Variants in SYNPR observed in about 807,000 individuals in gnomAD.
SYNPR encodes synaptoporin.
In SYNPR, 23 loss-of-function variants were observed where a neutral mutation model predicts 32.9. The observed-to-expected ratio is 0.70, with a 90% CI of 0.50 to 0.99. The LOEUF is 0.99. Ranked by LOEUF, SYNPR falls within the 50% of genes least tolerant of loss-of-function variation. The pLI, the probability that SYNPR is intolerant of heterozygous loss-of-function variation, is 0.00. For synonymous variants in SYNPR, 146 were observed against 135.9 expected (o/e 1.07, Z -0.52); for missense variants, 318 against 349.3 (o/e 0.91, Z 0.71).
intron 2 of SYNPR, among the ~76,000 whole-genome samples, chr3:63,396,762 G>C (rs568459978): frequency 6.6e-6 from 1 of 152,030 alleles, no homozygotes; most frequent in African/African-American, 2.4e-5. Flanking sequence ...ATAACTTCAG[G>C]CTTCTTGAGT....
the SYNPR span, among the ~76,000 whole-genome samples, chr3:63,218,621 A>G: frequency 6.6e-6 from 1 of 152,204 alleles, no homozygotes; most frequent in African/African-American, 2.4e-5. Flanking sequence ...GCCTCTTAAG[A>G]AAGTAAAGCT....
At chr3:63,383,177 A>G (rs2087994405) in intron 2 of SYNPR, among the ~76,000 whole-genome samples, 1 of 152,126 alleles carries the variant, frequency 6.6e-6, no homozygotes, top group Non-Finnish European at 1.5e-5. Context: ...TGGTTTTTGT[A>G]TTCAGTTTTA....
chr3:63,388,379 CTTTTTTTTTTT>C (rs144044254), intron 2 of SYNPR, among the ~76,000 whole-genome samples: 1 of 83,596 alleles, frequency 1.2e-5, no homozygotes, highest in Non-Finnish European at 2.2e-5. Flanking sequence ...GTTTGGAGCT[CTTTTTTTTTTT>C]TTTTTTTTTT....
chr3:63,206,427 A>G, the SYNPR span, among the ~76,000 whole-genome samples: 1 of 152,144 alleles, frequency 6.6e-6, no homozygotes, highest in East Asian at 1.9e-4. Flanking sequence ...AGCCTGTCCA[A>G]CATGGTGCCT....
chr3:63,563,165 C>A (rs1210944475), intron 4 of SYNPR, among the ~76,000 whole-genome samples: 1 of 152,160 alleles, frequency 6.6e-6, no homozygotes, highest in Non-Finnish European at 1.5e-5. Context: ...CTATCCCATG[C>A]ACCTTCTTAT....
chr3:63,438,437 A>C (rs1401837053), intron 2 of SYNPR, among the ~76,000 whole-genome samples: 2 of 152,136 alleles, frequency 1.3e-5, no homozygotes, highest in Non-Finnish European at 2.9e-5. Context: ...TGCCTACCTT[A>C]TGCTCCAGTA....
chr3:63,601,380 A>G (rs997829755), intron 4 of SYNPR, among the ~76,000 whole-genome samples: 4 of 152,218 alleles, frequency 2.6e-5, no homozygotes, highest in Middle Eastern at 3.2e-3. Context: ...GTTCAGAGGT[A>G]CATGTGCAGA....
At chr3:63,311,132 A>G (rs1575594066) in intron 2 of SYNPR, among the ~76,000 whole-genome samples, 2 of 151,730 alleles carry the variant, frequency 1.3e-5, no homozygotes, top group South Asian at 4.2e-4. Flanking sequence ...TTAATAATCT[A>G]TTTGCTTTCT....
chr3:63,334,769 T>C (rs1250302928), intron 2 of SYNPR, among the ~76,000 whole-genome samples: 1 of 152,218 alleles, frequency 6.6e-6, no homozygotes, highest in Admixed American at 6.5e-5. Context: ...TTCTTTGATT[T>C]TTTTGTAGCT....
At chr3:63,345,960 A>C (rs1216070333) in intron 2 of SYNPR, among the ~76,000 whole-genome samples, 8 of 151,968 alleles carry the variant, frequency 5.3e-5, no homozygotes, top group Admixed American at 4.6e-4. Flanking sequence ...GATTACAGGC[A>C]TGCGCCACCA....
chr3:63,402,079 T>A (rs2088300154), intron 2 of SYNPR, among the ~76,000 whole-genome samples: 1 of 152,084 alleles, frequency 6.6e-6, no homozygotes, highest in African/African-American at 2.4e-5. Context: ...TGCTCATAAA[T>A]GAAGAGCAAT....
chr3:63,258,440 T>C (rs959631327), intron 2 of SYNPR, among the ~76,000 whole-genome samples: 7 of 152,156 alleles, frequency 4.6e-5, no homozygotes, highest in African/African-American at 1.7e-4. Flanking sequence ...CTCAACTACA[T>C]GGAAACTGAA....
At chr3:63,219,563 TTAAC>T in the SYNPR span, among the ~76,000 whole-genome samples, 8 of 152,278 alleles carry the variant, frequency 5.3e-5, no homozygotes, top group East Asian at 1.2e-3. Flanking sequence ...CCCCCAAAAC[TTAAC>T]TAATAGCCTA....
intron 2 of SYNPR, among the ~76,000 whole-genome samples, chr3:63,370,214 CT>C (rs2087778575): frequency 6.6e-6 from 1 of 152,116 alleles, no homozygotes; most frequent in African/African-American, 2.4e-5. Context: ...CCTCTAAAAG[CT>C]TCCCTAGGGG....
At chr3:63,283,244 A>C (rs2086646725) in intron 2 of SYNPR, among the ~76,000 whole-genome samples, 1 of 152,182 alleles carries the variant, frequency 6.6e-6, no homozygotes, top group African/African-American at 2.4e-5. Flanking sequence ...TGGGGAAAAA[A>C]TCCACTTTAT....
In SYNPR at chr3:63,556,567, G is replaced by A. The variant is rs1702598126; in HGVS notation, c.234G>A (p.Val78=). 3.1e-6 allele frequency: 5 copies of A among 1,613,324 alleles called. No homozygotes were observed. ...PFRLHQVTFE[V]PTCEGKERQK... is the part of the protein sequence containing the mutation. ...GGTTGCACCAGGTGACGTTTGAGGT[G>A]CCCACCTGCGAGGGAAAGGAACGGC... The change falls in exon 4 of 6, where the codon GTG becomes GTA. Residue 78 remains valine (V), a synonymous_variant. Coordinates refer to ENST00000478300, the MANE Select transcript of SYNPR (RefSeq NM_001130003.2).
At chr3:63,535,667 A>G (rs147587523) in intron 3 of SYNPR, among the ~76,000 whole-genome samples, 1,576 of 146,154 alleles carry the variant, frequency 0.011, 31 homozygotes, top group African/African-American at 0.036. Flanking sequence ...AGTACAAGGC[A>G]TATTAATGGA....
chr3:63,262,295 C>T (rs930385239), intron 2 of SYNPR, among the ~76,000 whole-genome samples: 1 of 152,092 alleles, frequency 6.6e-6, no homozygotes, highest in Non-Finnish European at 1.5e-5. Flanking sequence ...CCATGCTGGC[C>T]ACAGCTTGCC....
At chr3:63,294,843 C>A (rs1392178375) in intron 2 of SYNPR, among the ~76,000 whole-genome samples, 1 of 152,062 alleles carries the variant, frequency 6.6e-6, no homozygotes, top group African/African-American at 2.4e-5. Flanking sequence ...AATGTTAGTG[C>A]ATATTCAGTA....
Sources: allele counts gnomAD v4.1 joint callset (sites outside exome capture counted in the v4.1 genomes callset), GRCh38; gene constraint gnomAD v4.1.1; transcripts MANE v1.5; gene names NCBI Gene and HGNC (gene_info 2026-07-23, HGNC 2026-07-21).